Variants in ANKDD1B observed in about 807,000 individuals in gnomAD.
ANKDD1B encodes the protein ankyrin repeat and death domain-containing protein 1B.
ANKDD1B carries 57 observed loss-of-function variants against 59.7 expected under a neutral mutation model. The ratio of observed to expected loss-of-function variants is 0.95; its 90% CI spans 0.77 to 1.19. The LOEUF is 1.19. ANKDD1B is among the 50% of genes most tolerant of loss of function. The pLI is 0.00. For synonymous variants in ANKDD1B, 216 were observed against 239.5 expected (o/e 0.90, Z 0.91); for missense variants, 602 against 641.9 (o/e 0.94, Z 0.67).
intron 3 of ANKDD1B, among the ~76,000 whole-genome samples, chr5:75,623,792 A>G (rs1773919458): frequency 6.6e-6 from 1 of 152,138 alleles, no homozygotes; most frequent in African/African-American, 2.4e-5. Flanking sequence ...GACAGTAAAA[A>G]ATATCTCCAT....
At position 75,637,240 on chromosome 5, in the gene ANKDD1B, C is replaced by CAAAAAAAAAAAA. The variant is rs55640131; in HGVS notation, c.798+1380_798+1391dup. Among the ~76,000 whole-genome samples, 377 of 69,902 alleles carry CAAAAAAAAAAAA rather than the reference C, an allele frequency of 5.4e-3. 3 individuals are homozygous for CAAAAAAAAAAAA. The highest frequency in any genetic ancestry group is 0.011 in the East Asian group (23 of 2,164). 45.9% of individuals were successfully genotyped at this position (69,902 alleles called of 152,430 possible). On this transcript the variant is annotated intron_variant, in intron 7 of 13. Transcript: ENST00000601380. ...AGCCTGGGCGACAGAGACTCTGTCTCAAAAAAAAAAAAAAAAAAAAAAAAA... is the reference window on the plus strand; with the variant it reads ...AGCCTGGGCGACAGAGACTCTGTCTCAAAAAAAAAAAAAAAAAAAAAAAAAAAAAAAAAAAAA...
chr5:75,617,444 T>C (rs1240689477), intron 2 of ANKDD1B, among the ~76,000 whole-genome samples: 1 of 152,192 alleles, frequency 6.6e-6, no homozygotes, highest in Non-Finnish European at 1.5e-5. Context: ...GTTCTTTAAG[T>C]GCCGGGTTTT....
intron 7 of ANKDD1B, among the ~76,000 whole-genome samples, chr5:75,636,549 T>C (rs1581140060): frequency 6.6e-6 from 1 of 152,120 alleles, no homozygotes; most frequent in East Asian, 1.9e-4. Context: ...AGCAGATACC[T>C]TGAAGGGTTT....
chr5:75,641,203 A>G (rs935242581), intron 7 of ANKDD1B, among the ~76,000 whole-genome samples: 10 of 152,320 alleles, frequency 6.6e-5, no homozygotes, highest in Non-Finnish European at 1.3e-4. Flanking sequence ...TTAGATCACA[A>G]AAATAGAATT....
chr5:75,667,059 G>A lies in ANKDD1B; in HGVS notation c.1393+66G>A, dbSNP rs1420986843. ...GTTAGGAACAGCAGTGCCTCCTGGT[G>A]TGAGGTCTTCCAAGGAAGTGTGTGG... On this transcript the variant is annotated intron_variant, in intron 12 of 13. Transcript: ENST00000601380. 2.7e-6 allele frequency: 3 copies of A among 1,096,342 alleles called. No homozygotes were observed. The African/African-American group carries it at 4.8e-5, about 17-fold the overall frequency. 67.9% of individuals were successfully genotyped at this position (1,096,342 alleles called of 1,614,324 possible).
intron 5 of ANKDD1B, among the ~76,000 whole-genome samples, chr5:75,632,105 T>TC (rs1389174912): frequency 1.6e-4 from 18 of 115,352 alleles, no homozygotes; most frequent in African/African-American, 5.6e-4. Flanking sequence ...AAACTCTGTC[T>TC]CAAAAAAAAA....
At chr5:75,622,599 A>G (rs936919597) in intron 3 of ANKDD1B, among the ~76,000 whole-genome samples, 3 of 152,218 alleles carry the variant, frequency 2.0e-5, no homozygotes, top group African/African-American at 7.2e-5. Flanking sequence ...GGATAAAAAC[A>G]TCTGCTGACA....
intron 5 of ANKDD1B, among the ~76,000 whole-genome samples, chr5:75,626,184 C>G (rs1773992023): frequency 6.6e-6 from 1 of 152,146 alleles, no homozygotes; most frequent in South Asian, 2.1e-4. Flanking sequence ...CAGCCAGATT[C>G]CTTCTTCCCA....
chr5:75,656,070 C>A lies in ANKDD1B; in HGVS notation c.939C>A (p.His313Gln). 6.5e-7 allele frequency: 1 copy of A among 1,527,640 alleles called. No individual in the cohort carries two copies. The highest frequency in any genetic ancestry group is 8.8e-7 in the Non-Finnish European group (1 of 1,139,264). The allele number at this position is 1,527,640 out of a possible 1,614,324, so 94.6% of individuals were successfully genotyped here. ...SPLHLVVINNHITVVNSLLSA... is the reference protein window; with the variant it reads ...SPLHLVVINNQITVVNSLLSA... ...TTCATTTAGTTGTTATCAACAACCA[C>A]ATCACGGTTGTAAACAGTTTATTAA... is the stretch of plus-strand genomic sequence containing the variant. The change falls in exon 9 of 14, where the codon CAC becomes CAA. Residue 313 changes from histidine to glutamine, a missense_variant. His to Gln is a conservative substitution (Grantham distance 24). This residue lies in a region of ANKDD1B where 280 missense variants were observed against 319.8 expected (regional missense o/e 0.88). Transcript: ENST00000601380.
chr5:75,663,439 C>T lies in ANKDD1B; in HGVS notation c.1141C>T (p.Leu381Phe), dbSNP rs1290330512. Reference protein sequence around the residue: ...LAVASRSNHSLVVGMLIKAER... With the variant: ...LAVASRSNHSFVVGMLIKAER... ...TGTGGCCTCCAGGAGCAACCATAGC[C>T]TTGTCGTGGGCATGCTCATTAAAGC... The change falls in exon 11 of 14, where the codon CTT becomes TTT. Residue 381 changes from leucine (L) to phenylalanine (F), a missense_variant. Leu to Phe is a conservative substitution (Grantham distance 22). Around this residue, in one of 3 missense-constraint regions of ANKDD1B, gnomAD observed 280 missense variants for 319.8 expected, o/e 0.88. Transcript: ENST00000601380. 1.2e-5 allele frequency: 18 copies of T among 1,536,414 alleles called. No homozygotes were observed. The highest frequency in any genetic ancestry group is 1.7e-4 in the Middle Eastern group (1 of 5,996).
At chr5:75,636,827 G>T (rs528161629) in intron 7 of ANKDD1B, among the ~76,000 whole-genome samples, 1 of 152,240 alleles carries the variant, frequency 6.6e-6, no homozygotes, top group Non-Finnish European at 1.5e-5. Context: ...CAGCTGTCTG[G>T]CTTGGGCTGT....
rs1398194213 is a variant in ANKDD1B, at chr5:75,611,626, G to T, written c.-9G>T. ...TCTGGCCCTGCGCTCAGGGCCCGCG[G>T]AGGAGACTATGGACCCCGCCGGGCG... On this transcript the variant is annotated 5_prime_UTR_variant, in exon 1 of 14. Transcript: ENST00000601380. The T allele has an allele frequency of 3.2e-6, 4 of 1,231,144 alleles. No individual in the cohort carries two copies. The highest frequency in any genetic ancestry group is 4.0e-6 in the Non-Finnish European group (4 of 987,820). The allele number at this position is 1,231,144 out of a possible 1,614,324, so 76.3% of individuals were successfully genotyped here. A position where few individuals can be genotyped will look rare whatever the true frequency, so the allele number is the denominator to read the frequency against.
chr5:75,648,728 G>C (rs980814261), intron 7 of ANKDD1B, among the ~76,000 whole-genome samples: 3 of 152,160 alleles, frequency 2.0e-5, no homozygotes, highest in African/African-American at 4.8e-5. Context: ...GTCCAACCCA[G>C]TGAAAACCCT....
intron 11 of ANKDD1B, among the ~76,000 whole-genome samples, chr5:75,664,368 C>G (rs893075096): frequency 1.4e-4 from 22 of 152,340 alleles, no homozygotes; most frequent in African/African-American, 5.3e-4. Flanking sequence ...AAAGGTCACA[C>G]CATCCTCCTT....
At chr5:75,642,448 T>G in intron 7 of ANKDD1B, among the ~76,000 whole-genome samples, 1 of 140,808 alleles carries the variant, frequency 7.1e-6, no homozygotes, top group Non-Finnish European at 1.5e-5. Context: ...GCGCAAGGGG[T>G]CAGGGAGTTC....
At chr5:75,666,393 C>T (rs921289111) in intron 11 of ANKDD1B, among the ~76,000 whole-genome samples, 2 of 152,002 alleles carry the variant, frequency 1.3e-5, no homozygotes, top group Non-Finnish European at 2.9e-5. Context: ...CTGGGCTCAC[C>T]GAAGCTTCAA....
chr5:75,666,887 C>G lies in ANKDD1B; in HGVS notation c.1287C>G (p.Leu429=). The G allele has an allele frequency of 6.5e-7, 1 of 1,534,902 alleles. No homozygotes were observed. The highest frequency in any genetic ancestry group is 8.7e-7 in the Non-Finnish European group (1 of 1,146,462). ...SLETRHIRTL[L]WDLAYHQLKA... ...AGACCAGACACATTCGCACGCTTCT[C>G]TGGGACCTGGCTTACCATCAGCTGA... The change falls in exon 12 of 14, where the codon CTC becomes CTG. Residue 429 remains leucine (L), a synonymous_variant. Transcript: ENST00000601380.
At chr5:75,663,075 A>G (rs1775201672) in intron 10 of ANKDD1B, among the ~76,000 whole-genome samples, 1 of 152,194 alleles carries the variant, frequency 6.6e-6, no homozygotes, top group South Asian at 2.1e-4. Flanking sequence ...CTGTTTAAAG[A>G]TACTTCCCAG....
chr5:75,636,851 A>G (rs1774317328), intron 7 of ANKDD1B, among the ~76,000 whole-genome samples: 2 of 152,026 alleles, frequency 1.3e-5, no homozygotes, highest in Non-Finnish European at 2.9e-5. Flanking sequence ...TGGGGAGTAC[A>G]GTGGGGGAGC....
Sources: gnomAD v4.1 joint callset for allele counts (sites outside exome capture counted in the v4.1 genomes callset) on GRCh38, gnomAD v4.1.1 for gene constraint, gnomAD v4.1.1 regional missense constraint, MANE v1.5 for transcripts, NCBI Gene and HGNC (gene_info 2026-07-23, HGNC 2026-07-21) for gene names.